FARP1: variants seen among roughly 807,000 people sequenced by gnomAD.
FARP1 encodes FERM, ARH/RhoGEF and pleckstrin domain protein 1, also known as FERM, ARHGEF and pleckstrin domain-containing protein 1.
A neutral mutation model predicts 128.8 loss-of-function variants in FARP1; 52 were observed. That is an observed-to-expected ratio of 0.40 (90% CI 0.32 to 0.51). The LOEUF (loss-of-function observed/expected upper bound fraction) is 0.51. Ranked by LOEUF, FARP1 falls within the 20% of genes least tolerant of loss-of-function variation. The pLI, the probability that FARP1 is intolerant of heterozygous loss-of-function variation, is 0.45. For missense variants in FARP1, 1,333 were observed against 1,367.9 expected, an observed-to-expected ratio of 0.97 and a Z score of 0.40; for synonymous variants, 580 against 551.8, an observed-to-expected ratio of 1.05 and a Z score of -0.72.
chr13:98,332,217 C>T (rs1887539028), intron 2 of FARP1: 1 of 152,112 alleles, frequency 6.6e-6, no homozygotes, highest in African/African-American at 2.4e-5. Flanking sequence ...CCCCATTAAA[C>T]ACTAACTCCC....
intron 2 of FARP1, among the ~76,000 whole-genome samples, chr13:98,220,549 C>T (rs1460461055): frequency 6.6e-6 from 1 of 152,158 alleles, no homozygotes; most frequent in African/African-American, 2.4e-5. Flanking sequence ...CTTTGCTTGG[C>T]ATGGTCATTT....
intron 5 of FARP1, among the ~76,000 whole-genome samples, chr13:98,369,958 C>T (rs1368397041): frequency 6.6e-6 from 1 of 152,168 alleles, no homozygotes. Flanking sequence ...ATTAAGGGTT[C>T]CCTGTGTGCA....
intron 3 of FARP1, among the ~76,000 whole-genome samples, chr13:98,360,625 G>A (rs1888833131): frequency 6.6e-6 from 1 of 152,194 alleles, no homozygotes; most frequent in Non-Finnish European, 1.5e-5. Context: ...TGTAGTTTAG[G>A]CCATCCAGTC....
chr13:98,219,946 G>A (rs892711680), intron 2 of FARP1, among the ~76,000 whole-genome samples: 1 of 152,152 alleles, frequency 6.6e-6, no homozygotes, highest in African/African-American at 2.4e-5. Context: ...TGTGATTGCA[G>A]GCATGAGCTA....
At chr13:98,350,246 G>A (rs182637995) in intron 3 of FARP1, among the ~76,000 whole-genome samples, 108 of 152,332 alleles carry the variant, frequency 7.1e-4, no homozygotes, top group Non-Finnish European at 1.2e-3. Flanking sequence ...AGCTGTGGGA[G>A]ATGCTCCAGC....
At chr13:98,203,820 G>A (rs1880102917) in intron 1 of FARP1, 2 of 152,162 alleles carry the variant, frequency 1.3e-5, no homozygotes, top group South Asian at 4.1e-4. Context: ...CCAAACTTAT[G>A]ATTACAATTT....
At chr13:98,244,886 A>C in intron 2 of FARP1, 1 of 1,428,818 alleles carries the variant, frequency 7.0e-7, no homozygotes, top group African/African-American at 1.4e-5. Context: ...AGAGGGGCCC[A>C]TCCACTCCTA....
At position 98,450,972 on chromosome 13, in the gene FARP1, C is replaced by A. The variant is rs1893161787; in HGVS notation, c.*2655C>A. On this transcript the variant is annotated 3_prime_UTR_variant, in exon 27 of 27. Coordinates refer to ENST00000319562, the MANE Select transcript of FARP1 (RefSeq NM_005766.4). ...CGACAGGAAATGCTGCCAGTCAACTCTAAAAGAACCACTTGTTGCTCTACG... is the reference window on the plus strand; with the variant it reads ...CGACAGGAAATGCTGCCAGTCAACTATAAAAGAACCACTTGTTGCTCTACG... 6.6e-6 allele frequency: 1 copy of A among 152,264 alleles called. No individual in the cohort carries two copies. The highest frequency in any genetic ancestry group is 6.5e-5 in the Admixed American group (1 of 15,282). 9.4% of individuals were successfully genotyped at this position (152,264 alleles called of 1,614,324 possible). A position where few individuals can be genotyped will look rare whatever the true frequency, so the allele number is the denominator to read the frequency against.
intron 2 of FARP1, among the ~76,000 whole-genome samples, chr13:98,315,754 G>C (rs1027490516): frequency 1.3e-5 from 2 of 152,188 alleles, no homozygotes; most frequent in Non-Finnish European, 2.9e-5. Context: ...ACTGCAGTGA[G>C]GAGACTTCAG....
chr13:98,360,090 C>CT (rs55859311), intron 3 of FARP1, among the ~76,000 whole-genome samples: 8,181 of 103,966 alleles, frequency 0.079, 562 homozygotes, highest in Non-Finnish European at 0.09. Flanking sequence ...GATTGTGTTG[C>CT]TTTTTTTTTT....
intron 2 of FARP1, among the ~76,000 whole-genome samples, chr13:98,259,593 T>A (rs1054575182): frequency 6.6e-6 from 1 of 152,192 alleles, no homozygotes; most frequent in Admixed American, 6.5e-5. Flanking sequence ...CACAGAGGCT[T>A]ACAGTGTTTG....
chr13:98,270,817 CTCTCT>C (rs564242254), intron 2 of FARP1, among the ~76,000 whole-genome samples: 25 of 152,118 alleles, frequency 1.6e-4, no homozygotes, highest in Non-Finnish European at 3.5e-4. Context: ...TTTTTCTTTT[CTCTCT>C]TCTCTTCTAA....
chr13:98,385,287 G>A (rs1890053042), intron 7 of FARP1, among the ~76,000 whole-genome samples: 1 of 152,188 alleles, frequency 6.6e-6, no homozygotes, highest in African/African-American at 2.4e-5. Context: ...TGACGGCCAT[G>A]TGAAAAAGTG....
chr13:98,414,985 CA>C (rs759000637), intron 16 of FARP1, among the ~76,000 whole-genome samples: 6 of 152,216 alleles, frequency 3.9e-5, no homozygotes, highest in Non-Finnish European at 8.8e-5. Flanking sequence ...CAAAGAAGCA[CA>C]ATGTCTGAAC....
chr13:98,177,271 C>A, intron 1 of FARP1: 1 of 1,498,940 alleles, frequency 6.7e-7, no homozygotes, highest in Admixed American at 2.2e-5. Flanking sequence ...CCGTGGCGTG[C>A]GTCACCCTTG....
At chr13:98,169,989 C>CTT (rs920224777) in intron 1 of FARP1, among the ~76,000 whole-genome samples, 2 of 152,096 alleles carry the variant, frequency 1.3e-5, no homozygotes, top group Admixed American at 1.3e-4. Flanking sequence ...TTTTGCCTTA[C>CTT]TTTCTATGAG....
chr13:98,325,850 A>T (rs1887206989), intron 2 of FARP1, among the ~76,000 whole-genome samples: 1 of 152,260 alleles, frequency 6.6e-6, no homozygotes, highest in Non-Finnish European at 1.5e-5. Context: ...CAAAACCTGA[A>T]ACAACCAGGG....
chr13:98,415,063 C>T (rs753489045), intron 16 of FARP1, among the ~76,000 whole-genome samples: 1 of 152,162 alleles, frequency 6.6e-6, no homozygotes, highest in African/African-American at 2.4e-5. Flanking sequence ...AGGTCAGGAG[C>T]TCCTTCATCT....
intron 2 of FARP1, among the ~76,000 whole-genome samples, chr13:98,303,483 A>G (rs1052038538): frequency 9.8e-5 from 15 of 152,334 alleles, no homozygotes; most frequent in African/African-American, 3.6e-4. Context: ...AAAAAGATTT[A>G]TATGAGGGAA....
Sources: gnomAD v4.1 joint callset for allele counts (sites outside exome capture counted in the v4.1 genomes callset) on GRCh38, gnomAD v4.1.1 for gene constraint, MANE v1.5 for transcripts, NCBI Gene and HGNC (gene_info 2026-07-23, HGNC 2026-07-21) for gene names.